SURF6: variants seen among roughly 807,000 people sequenced by gnomAD.
The protein encoded by SURF6 is surfeit locus protein 6.
Under a neutral mutation model 37.5 loss-of-function variants are expected in SURF6, and 28 were observed. That is an observed-to-expected ratio of 0.75 (90% CI 0.55 to 1.02). The LOEUF (loss-of-function observed/expected upper bound fraction) is 1.02, where lower values mean the gene tolerates loss of function less well. SURF6 is among the 50% of genes least tolerant of loss of function. The probability of loss-of-function intolerance (pLI) is 0.00; values close to 1 mark genes in which losing one functional copy is unlikely to be tolerated. For missense variants in SURF6, 560 were observed against 490.5 expected (o/e 1.14, Z -1.34); for synonymous variants, 248 against 210.9 (o/e 1.18, Z -1.52).
In SURF6 at chr9:133,332,040, G is replaced by A. The variant is rs2129914263; in HGVS notation, c.915C>T (p.Arg305=). Residue 305 remains arginine, a synonymous_variant, in exon 5 of 5, where the codon CGC becomes CGT. Transcript: ENST00000372022. The part of the protein sequence containing the change: ...RKEKRRAQRQ[R]RWEKRTAGVV... ...CGCCGGCCGTGCGCTTCTCCCACCG[G>A]CGCTGCCGCTGCGCCCTGCGCTTCT... is the stretch of plus-strand genomic sequence containing the variant. 4 of 1,603,104 alleles carry A rather than the reference G, an allele frequency of 2.5e-6. No homozygotes were observed. The highest frequency in any genetic ancestry group is 2.5e-6 in the Non-Finnish European group (3 of 1,179,424).
Position 133,330,144 on chromosome 9 carries a change from AGCGT to A in SURF6, c.*1721_*1724del, listed in dbSNP as rs1417851879. The A allele has an allele frequency of 6.6e-6, 1 of 152,276 alleles. No individual in the cohort carries two copies. The highest frequency in any genetic ancestry group is 2.4e-5 in the African/African-American group (1 of 41,468). The allele number at this position is 152,276 out of a possible 1,614,324, so 9.4% of individuals were successfully genotyped here. A position where few individuals can be genotyped will look rare whatever the true frequency, so the allele number is the denominator to read the frequency against. On this transcript the variant is annotated 3_prime_UTR_variant, in exon 5 of 5. Transcript: ENST00000372022. Reference sequence around the variant, plus strand: ...TTTAGCTTTAAAAATACAGACATACAGCGTATGTGTGTATAAATGGCACTATTTA... The same window carrying A: ...TTTAGCTTTAAAAATACAGACATACAATGTGTGTATAAATGGCACTATTTA...
At position 133,336,019 on chromosome 9, in the gene SURF6, G is replaced by A. The variant is rs1835867451; in HGVS notation, c.94+20C>T. 2 of 1,605,070 alleles carry A rather than the reference G, an allele frequency of 1.2e-6. No homozygotes were observed. Among genetic ancestry groups the A allele is most frequent in the African/African-American group, 1.3e-5 (1 of 74,566 alleles). ...CCCGTTTCGCAGGCCCCTTAGTCCC[G>A]GCCCGGCCCTGTGCGTTACCCCGCG... On this transcript the variant is annotated intron_variant, in intron 1 of 4. Coordinates refer to ENST00000372022, the MANE Select transcript of SURF6 (RefSeq NM_006753.6).
At position 133,329,410 on chromosome 9, in the gene SURF6, C is replaced by T; in HGVS notation, c.*2459G>A. ...ACTCCTCCAGGGAAAGGGACACTCC[C>T]TTTCCCGGTCTGCTAAGTAGCGGGT... On this transcript the variant is annotated 3_prime_UTR_variant, in exon 5 of 5. Transcript: ENST00000372022. 2 of 283,052 alleles carry T rather than the reference C, an allele frequency of 7.1e-6. No individual in the cohort carries two copies. The highest frequency in any genetic ancestry group is 1.5e-5 in the Non-Finnish European group (2 of 137,010). 17.5% of individuals were successfully genotyped at this position (283,052 alleles called of 1,614,324 possible).
intron 1 of SURF6, among the ~76,000 whole-genome samples, chr9:133,334,930 G>A (rs2129929498): frequency 6.6e-6 from 1 of 152,100 alleles, no homozygotes; most frequent in African/African-American, 2.4e-5. Flanking sequence ...CAATGGCAAG[G>A]GCTTTCATTT....
chr9:133,334,316 A>G (rs1835818453), intron 2 of SURF6, 76 bp downstream of exon 2: 1 of 1,406,932 alleles, frequency 7.1e-7, no homozygotes, highest in Non-Finnish European at 9.6e-7. Context: ...TTTTTTCTTA[A>G]GAGCAAAGGG....
Position 133,332,711 on chromosome 9 carries a change from C to A in SURF6, c.443G>T (p.Arg148Ile). The part of the protein sequence containing the change: ...SPAALEKRRR[R>I]KQERDRKKRK... ...CTTCTTCCGGTCCCGTTCCTGCTTT[C>A]TCCGCCGCCTTTTCTCCAAGGCGGC... The change falls in exon 4 of 5, where the codon AGA (arginine) becomes ATA (isoleucine). Residue 148 changes from arginine to isoleucine, a missense_variant. Physicochemically the swap from Arg to Ile is moderately conservative, Grantham distance 97 (BLOSUM62 -3). Transcript: ENST00000372022. 1 of 1,612,050 alleles carries A rather than the reference C, an allele frequency of 6.2e-7. No individual in the cohort carries two copies. The highest frequency in any genetic ancestry group is 1.1e-5 in the South Asian group (1 of 91,088).
chr9:133,332,591 G>A lies in SURF6; in HGVS notation c.563C>T (p.Ala188Val), dbSNP rs2129919764. Residue 188 changes from alanine to valine, a missense_variant, in exon 4 of 5, where the codon GCC (alanine) becomes GTC (valine). Physicochemically the swap from Ala to Val is moderately conservative, Grantham distance 64. Coordinates refer to ENST00000372022, the MANE Select transcript of SURF6 (RefSeq NM_006753.6). ...QEVVEATPEG[A>V]CTEPREPPGL... The stretch of plus-strand genomic sequence containing the variant: ...GGGCGGCTCCCGCGGCTCCGTGCAG[G>A]CCCCCTCTGGGGTTGCCTCCACCAC... The A allele has an allele frequency of 6.2e-7, 1 of 1,609,808 alleles. No homozygotes were observed. The highest frequency in any genetic ancestry group is 8.5e-7 in the Non-Finnish European group (1 of 1,179,986).
intron 3 of SURF6, among the ~76,000 whole-genome samples, chr9:133,333,485 T>G (rs972444822): frequency 6.6e-6 from 1 of 152,050 alleles, no homozygotes; most frequent in African/African-American, 2.4e-5. Context: ...ACACAGGAGG[T>G]GCCCATCCCA....
Position 133,329,898 on chromosome 9 carries a change from G to T in SURF6, c.*1971C>A, listed in dbSNP as rs1835683182. On this transcript the variant is annotated 3_prime_UTR_variant, in exon 5 of 5. Transcript: ENST00000372022. ...TCAAAGCTAAGTTCACGAATGAAGT[G>T]TTCTCTCAATTGATTCTGTTAGAAT... 6.6e-6 allele frequency: 1 copy of T among 152,202 alleles called. No homozygotes were observed. The highest frequency in any genetic ancestry group is 6.5e-5 in the Admixed American group (1 of 15,278). 9.4% of individuals were successfully genotyped at this position (152,202 alleles called of 1,614,324 possible).
intron 2 of SURF6, 87 bp from the exon 3 acceptor site, chr9:133,333,893 C>T: frequency 8.9e-7 from 1 of 1,117,442 alleles, no homozygotes; most frequent in South Asian, 1.3e-5. Context: ...CCCACTGTGG[C>T]CACTCATGGA....
chr9:133,332,377 G>C (rs2129918028), intron 4 of SURF6, 29 bp from the exon 5 acceptor site: 1 of 1,553,118 alleles, frequency 6.4e-7, no homozygotes, highest in African/African-American at 1.4e-5. Flanking sequence ...ATCAGCTCAT[G>C]CCAGCCCTGC....
At chr9:133,332,489 G>A in intron 4 of SURF6, 59 bp downstream of exon 4, 4 of 1,573,764 alleles carry the variant, frequency 2.5e-6, no homozygotes, top group Non-Finnish European at 3.4e-6. Context: ...AAGCTAACAA[G>A]GGGCAACGCT....
rs1480325974 is a variant in SURF6 at position 133,329,926 on chromosome 9, G to C, written c.*1943C>G. On this transcript the variant is annotated 3_prime_UTR_variant, in exon 5 of 5. Transcript: ENST00000372022. The stretch of plus-strand genomic sequence containing the variant: ...CTCTCAATTGATTCTGTTAGAATTT[G>C]TCTACGTCTGGAATTACCTGTTCTC... 1.3e-5 allele frequency: 2 copies of C among 152,144 alleles called. No individual in the cohort carries two copies. Among genetic ancestry groups the C allele is most frequent in the African/African-American group, 2.4e-5 (1 of 41,436 alleles). 9.4% of individuals were successfully genotyped at this position (152,144 alleles called of 1,614,324 possible).
At position 133,330,128 on chromosome 9, in the gene SURF6, A is replaced by T. The variant is rs1835687817; in HGVS notation, c.*1741T>A. ...TGCATGCTTATTTTTCTTTAGCTTT[A>T]AAAATACAGACATACAGCGTATGTG... On this transcript the variant is annotated 3_prime_UTR_variant, in exon 5 of 5. Coordinates refer to ENST00000372022, the MANE Select transcript of SURF6 (RefSeq NM_006753.6). 1 of 152,260 alleles carries T rather than the reference A, an allele frequency of 6.6e-6. No individual in the cohort carries two copies. Among genetic ancestry groups the T allele is most frequent in the African/African-American group, 2.4e-5 (1 of 41,470 alleles). The allele number at this position is 152,260 out of a possible 1,614,324, so 9.4% of individuals were successfully genotyped here. A position where few individuals can be genotyped will look rare whatever the true frequency, so the allele number is the denominator to read the frequency against.
At chr9:133,334,320 C>T in intron 2 of SURF6, 72 bp downstream of exon 2, 1 of 1,436,660 alleles carries the variant, frequency 7.0e-7, no homozygotes. Flanking sequence ...TTCTTAAGAG[C>T]AAAGGGGACC....
In SURF6 at chr9:133,329,452, T is replaced by A. The variant is rs1835666401; in HGVS notation, c.*2417A>T. 3 of 286,722 alleles carry A rather than the reference T, an allele frequency of 1.0e-5. No homozygotes were observed. Among genetic ancestry groups the A allele is most frequent in the African/African-American group, 2.3e-5 (1 of 44,328 alleles). 17.8% of individuals were successfully genotyped at this position (286,722 alleles called of 1,614,324 possible). ...GTAGCGGGTGTTGTTCCTTGATACT[T>A]TTTGCTACTGCTAGACCATGGTCCA... is the stretch of plus-strand genomic sequence containing the variant. On this transcript the variant is annotated 3_prime_UTR_variant, in exon 5 of 5. Transcript: ENST00000372022.
rs2129912623 is a variant in SURF6, at chr9:133,331,918, T to C, written c.1037A>G (p.Lys346Arg). The C allele has an allele frequency of 9.6e-6, 15 of 1,562,650 alleles. No homozygotes were observed. Among genetic ancestry groups the C allele is most frequent in the Middle Eastern group, 3.8e-4 (2 of 5,222 alleles). The change falls in exon 5 of 5, where the codon AAG becomes AGG. Residue 346 changes from lysine (K) to arginine (R), a missense_variant. Transcript: ENST00000372022. ...GTCCTGCGGCAGGATGCGGCCCTTC[T>C]TGCGGGCTCTGAGCAGGCGGCGCTC... ...RAERRLLRARKKGRILPQDLE... is the reference protein window; with the variant it reads ...RAERRLLRARRKGRILPQDLE...
chr9:133,333,835 G>A (rs1208260992), intron 2 of SURF6, 29 bp from the exon 3 acceptor site: 31 of 1,592,568 alleles, frequency 1.9e-5, no homozygotes, highest in Non-Finnish European at 2.6e-5. Flanking sequence ...GACTGCAGGG[G>A]GCCCTCTCTT....
chr9:133,331,056 T>A lies in SURF6; in HGVS notation c.*813A>T, dbSNP rs2129908674. 3.9e-5 allele frequency: 6 copies of A among 152,340 alleles called. No individual in the cohort carries two copies. Among genetic ancestry groups the A allele is most frequent in the African/African-American group, 1.4e-4 (6 of 41,580 alleles). The allele number at this position is 152,340 out of a possible 1,614,324, so 9.4% of individuals were successfully genotyped here. A position where few individuals can be genotyped will look rare whatever the true frequency, so the allele number is the denominator to read the frequency against. ...TACAGCTTTATCATCCATATGCCAC[T>A]AAAATTCACCTGTTTTCTTTCAACC... On this transcript the variant is annotated 3_prime_UTR_variant, in exon 5 of 5. Transcript: ENST00000372022.
Sources: gnomAD v4.1 joint callset for allele counts (sites outside exome capture counted in the v4.1 genomes callset) on GRCh38, gnomAD v4.1.1 for gene constraint, MANE v1.5 for transcripts, NCBI Gene and HGNC (gene_info 2026-07-23, HGNC 2026-07-21) for gene names.